Variants in GASK1A observed in about 807,000 individuals in gnomAD.
GASK1A encodes the protein Golgi-associated kinase 1A.
A neutral mutation model predicts 41.2 loss-of-function variants in GASK1A; 40 were observed. The ratio of observed to expected loss-of-function variants is 0.97; its 90% CI spans 0.75 to 1.27. The LOEUF is 1.27. Ranked by LOEUF, GASK1A falls within the 50% of genes most tolerant of loss-of-function variation. GASK1A has a pLI of 0.00. For synonymous variants in GASK1A, 316 were observed against 307.1 expected (o/e 1.03, Z -0.30); for missense variants, 678 against 745.1 (o/e 0.91, Z 1.05).
At chr3:43,000,552 A>T (rs995287112) in intron 1 of GASK1A, among the ~76,000 whole-genome samples, 1 of 152,228 alleles carries the variant, frequency 6.6e-6, no homozygotes, top group Non-Finnish European at 1.5e-5. Context: ...ATGCATTTCC[A>T]TATAATTCTA....
chr3:43,057,568 A>C lies in GASK1A; in HGVS notation c.*1182A>C, dbSNP rs1486157905. The C allele has an allele frequency of 6.6e-6, 1 of 152,136 alleles. No homozygotes were observed. The highest frequency in any genetic ancestry group is 2.4e-5 in the African/African-American group (1 of 41,448). 9.4% of individuals were successfully genotyped at this position (152,136 alleles called of 1,614,324 possible). Reference sequence around the variant, plus strand: ...GAAGTCATCTTTCCACTTATTTGCCAGACATTTGTATTTTCTTTTCTGCAT... The same window carrying C: ...GAAGTCATCTTTCCACTTATTTGCCCGACATTTGTATTTTCTTTTCTGCAT... On this transcript the variant is annotated 3_prime_UTR_variant, in exon 5 of 5. Coordinates refer to ENST00000430121, the MANE Select transcript of GASK1A (RefSeq NM_001129908.3).
intron 1 of GASK1A, among the ~76,000 whole-genome samples, chr3:42,994,736 C>A (rs79646123): frequency 6.6e-6 from 1 of 152,200 alleles, no homozygotes; most frequent in East Asian, 1.9e-4. Context: ...GTTAATTAGG[C>A]TTTCTCCCTA....
At chr3:43,018,950 C>T (rs1213650832) in intron 1 of GASK1A, among the ~76,000 whole-genome samples, 2 of 152,156 alleles carry the variant, frequency 1.3e-5, no homozygotes, top group African/African-American at 4.8e-5. Context: ...TGGGTTCGTG[C>T]CTTGGTGCTG....
At position 43,004,629 on chromosome 3, in the gene GASK1A, C is replaced by G. The variant is rs541696358; in HGVS notation, c.3+24984C>G. Among the ~76,000 whole-genome samples, 15 of 152,236 alleles carry G rather than the reference C, an allele frequency of 9.9e-5. No homozygotes were observed. In the South Asian group the frequency reaches 3.1e-3, roughly 32 times the overall value. On this transcript the variant is annotated intron_variant, in intron 1 of 4. Transcript: ENST00000430121. Reference sequence around the variant, plus strand: ...AGTTTTGACCATTATTTATTCACTCCCCTCTATGGAAGATGAGGATTTGGG... The same window carrying G: ...AGTTTTGACCATTATTTATTCACTCGCCTCTATGGAAGATGAGGATTTGGG...
rs1285786734 is a variant in GASK1A at position 43,032,630 on chromosome 3, A to G, written c.367A>G (p.Thr123Ala). 6.4e-7 allele frequency: 1 copy of G among 1,551,552 alleles called. No individual in the cohort carries two copies. Among genetic ancestry groups the G allele is most frequent in the Non-Finnish European group, 8.7e-7 (1 of 1,146,984 alleles). The change falls in exon 2 of 5, where the codon ACT becomes GCT. Residue 123 changes from threonine (T) to alanine (A), a missense_variant. Coordinates refer to ENST00000430121, the MANE Select transcript of GASK1A (RefSeq NM_001129908.3). ...RHPGRVRRDI[T>A]LSGHPRLSTQ... ...TCCAGGGAGGGTGAGGAGGGACATT[A>G]CTTTGTCAGGACATCCAAGACTCAG... is the stretch of plus-strand genomic sequence containing the variant.
chr3:43,030,163 G>A (rs532998810), intron 1 of GASK1A, among the ~76,000 whole-genome samples: 15 of 152,254 alleles, frequency 9.9e-5, no homozygotes, highest in African/African-American at 3.1e-4. Flanking sequence ...GCGCCACCAC[G>A]CCCAGCTACT....
chr3:42,982,344 A>G (rs921955983), intron 1 of GASK1A, among the ~76,000 whole-genome samples: 2 of 152,226 alleles, frequency 1.3e-5, no homozygotes, highest in Admixed American at 6.5e-5. Flanking sequence ...CAATTAAAAA[A>G]TGTTTTCCTC....
rs1375218315 is a variant in GASK1A, at chr3:43,055,431, G to A, written c.1414-1G>A. On this transcript the variant is annotated splice_acceptor_variant, in intron 3 of 4. Coordinates refer to ENST00000430121, the MANE Select transcript of GASK1A (RefSeq NM_001129908.3). LOFTEE classifies it high-confidence loss of function. ...TGTCTCTGTCCACCCTCTTCCCTGA[G>A]GTCCGGAGCAGCGATCCATCTCACC... 6 of 1,550,566 alleles carry A rather than the reference G, an allele frequency of 3.9e-6. No homozygotes were observed. In the African/African-American group the frequency reaches 5.5e-5, roughly 14 times the overall value.
rs993489237 is a variant in GASK1A, at chr3:43,005,878, G to A, written c.3+26233G>A. ...GATGGAAAAGGCATTCAATTTGTGG[G>A]TGGAAGACATGAACTTCTAGAAATG... On this transcript the variant is annotated intron_variant, in intron 1 of 4. Coordinates refer to ENST00000430121, the MANE Select transcript of GASK1A (RefSeq NM_001129908.3). 7.2e-5 allele frequency among the ~76,000 whole-genome samples: 11 copies of A among 152,174 alleles called. 1 individual carries two copies. Among genetic ancestry groups the A allele is most frequent in the African/African-American group, 2.7e-4 (11 of 41,454 alleles).
At position 43,056,757 on chromosome 3, in the gene GASK1A, C is replaced by G. The variant is rs965399908; in HGVS notation, c.*371C>G. On this transcript the variant is annotated 3_prime_UTR_variant, in exon 5 of 5. Coordinates refer to ENST00000430121, the MANE Select transcript of GASK1A (RefSeq NM_001129908.3). ...GCCCGCCTGCATGCAATACCTGAGA[C>G]CAACCTAATAAAGGTACAATCTTCA... 1 of 163,666 alleles carries G rather than the reference C, an allele frequency of 6.1e-6. No individual in the cohort carries two copies. The highest frequency in any genetic ancestry group is 1.3e-5 in the Non-Finnish European group (1 of 75,602). 10.1% of individuals were successfully genotyped at this position (163,666 alleles called of 1,614,324 possible).
In GASK1A at chr3:43,049,649, T is replaced by C. The variant is rs553884799; in HGVS notation, c.1291-3872T>C. 2.6e-5 allele frequency among the ~76,000 whole-genome samples: 4 copies of C among 152,320 alleles called. No homozygotes were observed. The South Asian group carries it at 8.3e-4, about 32-fold the overall frequency. On this transcript the variant is annotated intron_variant, in intron 2 of 4. Coordinates refer to ENST00000430121, the MANE Select transcript of GASK1A (RefSeq NM_001129908.3). ...GATATATTTAATCCATTTGGTCTAC[T>C]GCCCTCAGCCTATCTAGACCTGAGA...
chr3:42,991,652 T>C (rs2089341531), intron 1 of GASK1A, among the ~76,000 whole-genome samples: 1 of 152,134 alleles, frequency 6.6e-6, no homozygotes, highest in Non-Finnish European at 1.5e-5. Context: ...GCTGCCTGGG[T>C]GCCTGGGCCC....
chr3:42,999,902 A>G, intron 1 of GASK1A, among the ~76,000 whole-genome samples: 1 of 152,196 alleles, frequency 6.6e-6, no homozygotes, highest in East Asian at 1.9e-4. Flanking sequence ...TTCAGAGACC[A>G]TCATTCTAGT....
chr3:43,034,948 A>T (rs1218838995), intron 2 of GASK1A, among the ~76,000 whole-genome samples: 1 of 152,108 alleles, frequency 6.6e-6, no homozygotes, highest in East Asian at 1.9e-4. Flanking sequence ...CTGCCTGCAG[A>T]TAAGTCTGTT....
chr3:43,001,350 G>C (rs2089407951), intron 1 of GASK1A, among the ~76,000 whole-genome samples: 1 of 152,152 alleles, frequency 6.6e-6, no homozygotes, highest in African/African-American at 2.4e-5. Context: ...TCTAACACTG[G>C]ATACAGCTAA....
At chr3:43,003,293 G>A (rs569500247) in intron 1 of GASK1A, among the ~76,000 whole-genome samples, 12 of 152,206 alleles carry the variant, frequency 7.9e-5, no homozygotes, top group Admixed American at 2.6e-4. Flanking sequence ...TCAGGAGTTC[G>A]AGACCAGCCT....
chr3:43,035,170 T>C (rs1473155054), intron 2 of GASK1A, among the ~76,000 whole-genome samples: 1 of 152,164 alleles, frequency 6.6e-6, no homozygotes, highest in Non-Finnish European at 1.5e-5. Flanking sequence ...AGCTCTACTT[T>C]TCTCACCCCA....
intron 4 of GASK1A, 52 bp downstream of exon 4, chr3:43,055,587 C>G (rs747417287): frequency 2.5e-4 from 335 of 1,326,404 alleles, no homozygotes; most frequent in Non-Finnish European, 3.5e-4. Context: ...ACCTGATGGC[C>G]TTGCTGCAAA....
intron 2 of GASK1A, among the ~76,000 whole-genome samples, chr3:43,039,205 G>GTTTTTTTTT (rs1329284553): frequency 2.4e-5 from 3 of 125,764 alleles, no homozygotes; most frequent in Non-Finnish European, 1.7e-5. Context: ...TTTTTTTTTG[G>GTTTTTTTTT]TTTTTTTTTT....
Sources: allele counts gnomAD v4.1 joint callset (sites outside exome capture counted in the v4.1 genomes callset), GRCh38; gene constraint gnomAD v4.1.1; transcripts MANE v1.5; gene names NCBI Gene and HGNC (gene_info 2026-07-23, HGNC 2026-07-21).